Variants in NCAM1 observed in about 807,000 individuals in gnomAD.
The protein encoded by NCAM1 is antigen recognized by monoclonal antibody 5.1H11.
In NCAM1, 14 loss-of-function variants were observed where a neutral mutation model predicts 109.8. That is an observed-to-expected ratio of 0.13 (90% CI 0.08 to 0.20). NCAM1 has a LOEUF of 0.20. NCAM1 is among the 10% of genes least tolerant of loss of function. NCAM1 has a pLI of 1.00. For synonymous variants in NCAM1, 418 were observed against 442.9 expected (o/e 0.94, Z 0.70); for missense variants, 774 against 1,109.9 (o/e 0.70, Z 4.30).
At chr11:113,266,582 C>T (rs1946137987) in intron 17 of NCAM1, among the ~76,000 whole-genome samples, 1 of 152,126 alleles carries the variant, frequency 6.6e-6, no homozygotes, top group Non-Finnish European at 1.5e-5. Flanking sequence ...ATAAGAATCA[C>T]CTGGGCTGCT....
intron 17 of NCAM1, among the ~76,000 whole-genome samples, chr11:113,260,953 T>G (rs1591468684): frequency 1.3e-5 from 2 of 152,218 alleles, no homozygotes; most frequent in East Asian, 3.9e-4. Flanking sequence ...ATGGCAGCAG[T>G]TCTCCTAGGA....
chr11:112,989,403 C>T (rs1490289037), intron 1 of NCAM1, among the ~76,000 whole-genome samples: 1 of 152,116 alleles, frequency 6.6e-6, no homozygotes, highest in African/African-American at 2.4e-5. Context: ...TGTTGAAGCA[C>T]TCTTGAATTT....
intron 1 of NCAM1, among the ~76,000 whole-genome samples, chr11:113,112,905 G>A (rs1555094022): frequency 6.6e-6 from 1 of 152,176 alleles, no homozygotes; most frequent in East Asian, 1.9e-4. Flanking sequence ...GCCGAGACAA[G>A]TGGATCATTT....
intron 14 of NCAM1, among the ~76,000 whole-genome samples, chr11:113,241,095 C>T (rs1565523536): frequency 1.3e-5 from 2 of 152,306 alleles, no homozygotes; most frequent in Middle Eastern, 3.4e-3. Flanking sequence ...CCAAGGCTGC[C>T]GCCCTGGGGC....
Position 113,235,394 on chromosome 11 carries a change from G to C in NCAM1, c.1825+230G>C, listed in dbSNP as rs560538902. The C allele has an allele frequency of 4.2e-5, 38 of 905,068 alleles. No homozygotes were observed. In the East Asian group the frequency reaches 8.6e-4, roughly 21 times the overall value. The allele number at this position is 905,068 out of a possible 1,614,324, so 56.1% of individuals were successfully genotyped here. ...GGTTGGGGACACTGTCCTAGTAGCC[G>C]GTCCAGCTTGTTAGAATAACAGTGA... On this transcript the variant is annotated intron_variant, in intron 14 of 19. Coordinates refer to ENST00000316851, the MANE Select transcript of NCAM1 (RefSeq NM_181351.5).
intron 11 of NCAM1, 52 bp from the exon 12 acceptor site, chr11:113,232,666 C>A: frequency 7.3e-7 from 1 of 1,378,864 alleles, no homozygotes; most frequent in Non-Finnish European, 1.0e-6. Flanking sequence ...AGATCTGAGT[C>A]TGTGACCATC....
chr11:113,176,309 C>T (rs1555107015), intron 1 of NCAM1, among the ~76,000 whole-genome samples: 2 of 152,090 alleles, frequency 1.3e-5, no homozygotes, highest in African/African-American at 4.8e-5. Flanking sequence ...AGTTCTCTGT[C>T]GCCTTTTAAA....
intron 2 of NCAM1, among the ~76,000 whole-genome samples, chr11:113,203,642 G>A (rs1207292317): frequency 6.6e-6 from 1 of 152,380 alleles, no homozygotes; most frequent in African/African-American, 2.4e-5. Flanking sequence ...CTGGGGAAAG[G>A]AAGAATGGGT....
intron 1 of NCAM1, among the ~76,000 whole-genome samples, chr11:113,143,336 A>G (rs7112370): frequency 0.12 from 18,484 of 152,262 alleles, 1,239 homozygotes; most frequent in East Asian, 0.26. Context: ...CCCATCTCAC[A>G]TGAAGGATGA....
chr11:113,010,101 T>C (rs766149138), intron 1 of NCAM1, among the ~76,000 whole-genome samples: 7 of 152,174 alleles, frequency 4.6e-5, no homozygotes, highest in Admixed American at 1.3e-4. Flanking sequence ...CAATTTCATA[T>C]TTTCTGAAAG....
chr11:113,148,468 G>A (rs1197906484), intron 1 of NCAM1, among the ~76,000 whole-genome samples: 3 of 150,524 alleles, frequency 2.0e-5, no homozygotes, highest in East Asian at 1.9e-4. Context: ...TATTTTTTGG[G>A]TCTGATTGTA....
chr11:112,993,485 A>C (rs1019101981), intron 1 of NCAM1, among the ~76,000 whole-genome samples: 1 of 152,194 alleles, frequency 6.6e-6, no homozygotes, highest in African/African-American at 2.4e-5. Flanking sequence ...GGCAGGGACA[A>C]ATATCCAAAG....
intron 1 of NCAM1, among the ~76,000 whole-genome samples, chr11:113,164,520 C>T (rs1942716232): frequency 6.6e-6 from 1 of 152,126 alleles, no homozygotes; most frequent in African/African-American, 2.4e-5. Flanking sequence ...ATCAGGGTTC[C>T]CACAACCCCC....
Position 113,275,608 on chromosome 11 carries a change from C to T in NCAM1, c.*221C>T, listed in dbSNP as rs1327278408. The T allele has an allele frequency of 4.1e-6, 2 of 492,202 alleles. No individual in the cohort carries two copies. Among genetic ancestry groups the T allele is most frequent in the Non-Finnish European group, 6.7e-6 (2 of 297,030 alleles). 30.5% of individuals were successfully genotyped at this position (492,202 alleles called of 1,614,324 possible). On this transcript the variant is annotated 3_prime_UTR_variant, in exon 20 of 20. Coordinates refer to ENST00000316851, the MANE Select transcript of NCAM1 (RefSeq NM_181351.5). ...GTTTATAGAAAGGGTCCCTTTGTTG[C>T]ACACTCACTTGTAAGAAAATGAGAC...
chr11:112,981,043 G>A (rs1951141369), intron 1 of NCAM1, among the ~76,000 whole-genome samples: 1 of 151,864 alleles, frequency 6.6e-6, no homozygotes, highest in Non-Finnish European at 1.5e-5. Context: ...CTGGGGAGCT[G>A]TTACTCAGCA....
intron 1 of NCAM1, among the ~76,000 whole-genome samples, chr11:113,190,460 G>A (rs1016142208): frequency 3.3e-5 from 5 of 152,126 alleles, no homozygotes; most frequent in African/African-American, 7.2e-5. Flanking sequence ...TGCCAGCACC[G>A]CCCCACGGCC....
chr11:113,069,693 G>A (rs1555084917), intron 1 of NCAM1, among the ~76,000 whole-genome samples: 1 of 152,194 alleles, frequency 6.6e-6, no homozygotes, highest in Non-Finnish European at 1.5e-5. Context: ...TGAGGCAATG[G>A]CTATGGAGAT....
Position 113,062,160 on chromosome 11 carries a change from A to G in NCAM1, c.52+100496A>G, listed in dbSNP as rs150818668. Among the ~76,000 whole-genome samples, 124 of 152,322 alleles carry G rather than the reference A, an allele frequency of 8.1e-4. 1 individual carries two copies. The highest frequency in any genetic ancestry group is 1.5e-3 in the Non-Finnish European group (104 of 68,038). Reference sequence around the variant, plus strand: ...ACCACTAGCGATGTTTAGTAAATTGACAACCTCATGCAACCATCACTTCTA... The same window carrying G: ...ACCACTAGCGATGTTTAGTAAATTGGCAACCTCATGCAACCATCACTTCTA... On this transcript the variant is annotated intron_variant, in intron 1 of 19. Transcript: ENST00000316851.
intron 1 of NCAM1, among the ~76,000 whole-genome samples, chr11:113,039,458 C>T (rs1395590688): frequency 1.3e-5 from 2 of 152,220 alleles, no homozygotes; most frequent in Non-Finnish European, 2.9e-5. Context: ...AATAATTCAA[C>T]ATTTTCACTC....
Sources: allele counts gnomAD v4.1 joint callset (sites outside exome capture counted in the v4.1 genomes callset), GRCh38; gene constraint gnomAD v4.1.1; transcripts MANE v1.5; gene names NCBI Gene and HGNC (gene_info 2026-07-23, HGNC 2026-07-21).